The following DDX60 variants were observed in gnomAD, a reference collection of about 807,000 sequenced individuals.
DDX60 encodes probable ATP-dependent RNA helicase DDX60.
In DDX60, 165 loss-of-function variants were observed where a neutral mutation model predicts 212.8. The ratio of observed to expected loss-of-function variants is 0.78; its 90% CI spans 0.68 to 0.88. The LOEUF is 0.88. Among genes scored for constraint, DDX60 ranks in the 40% least tolerant of loss-of-function variants. The pLI is 0.00. For synonymous variants in DDX60, 703 were observed against 685.3 expected, an observed-to-expected ratio of 1.03 and a Z score of -0.40; for missense variants, 1,905 against 2,003.9, an observed-to-expected ratio of 0.95 and a Z score of 0.94.
At position 168,220,512 on chromosome 4, in the gene DDX60, G is replaced by A. The variant is rs1003719656; in HGVS notation, c.5039+143C>T. ...ACGTGTTGAACAGACATTCTGCAGA[G>A]CCTTTGGGGAGTTGAAATGCATAGC... On this transcript the variant is annotated intron_variant, in intron 37 of 37. Transcript: ENST00000393743. 3 of 542,566 alleles carry A rather than the reference G, an allele frequency of 5.5e-6. No individual in the cohort carries two copies. In the Admixed American group the frequency reaches 1.2e-4, roughly 21 times the overall value. 33.6% of individuals were successfully genotyped at this position (542,566 alleles called of 1,614,324 possible).
chr4:168,285,384 G>A lies in DDX60; in HGVS notation c.1445+9C>T. On this transcript the variant is annotated intron_variant, in intron 11 of 37. Transcript: ENST00000393743. ...AGTATTTATTGAGGCACAGTTTTTG[G>A]CCTTATACCTCTTTAGAAAAGGCAA... 2.6e-6 allele frequency: 4 copies of A among 1,545,080 alleles called. No homozygotes were observed. The highest frequency in any genetic ancestry group is 3.6e-6 in the Non-Finnish European group (4 of 1,123,206).
chr4:168,233,893 A>G (rs1733541108), intron 33 of DDX60, among the ~76,000 whole-genome samples: 1 of 152,112 alleles, frequency 6.6e-6, no homozygotes, highest in Non-Finnish European at 1.5e-5. Flanking sequence ...ATATGTGGTC[A>G]TCCGGAAAAG....
At chr4:168,264,909 T>C (rs564726700) in intron 22 of DDX60, among the ~76,000 whole-genome samples, 1 of 152,324 alleles carries the variant, frequency 6.6e-6, no homozygotes, top group South Asian at 2.1e-4. Context: ...TTTGTACCAT[T>C]CTTTATTTAT....
At chr4:168,225,810 CTG>C (rs1487651731) in intron 33 of DDX60, 134 bp from the exon 34 acceptor site, 17 of 828,720 alleles carry the variant, frequency 2.1e-5, no homozygotes, top group Non-Finnish European at 2.8e-5. Flanking sequence ...AATAATGTCA[CTG>C]TTTCATTTTT....
rs970587747 is a variant in DDX60 at position 168,309,132 on chromosome 4, A to G, written c.75-937T>C. 2.2e-4 allele frequency among the ~76,000 whole-genome samples: 33 copies of G among 152,184 alleles called. 2 individuals are homozygous for G. The highest frequency in any genetic ancestry group is 2.1e-3 in the Admixed American group (32 of 15,270). Reference sequence around the variant, plus strand: ...TAACTTTGTAGCCACTTCTTGTTGTATGGTGGTAAGTTAGCAGTTCCTCTC... The same window carrying G: ...TAACTTTGTAGCCACTTCTTGTTGTGTGGTGGTAAGTTAGCAGTTCCTCTC... On this transcript the variant is annotated intron_variant, in intron 3 of 37. Coordinates refer to ENST00000393743, the MANE Select transcript of DDX60 (RefSeq NM_017631.6).
At chr4:168,248,153 C>A in intron 29 of DDX60, 35 bp downstream of exon 29, 1 of 1,427,184 alleles carries the variant, frequency 7.0e-7, no homozygotes, top group Non-Finnish European at 9.7e-7. Flanking sequence ...CATATTTCAG[C>A]AATACAATAA....
In DDX60 at chr4:168,273,983, A is replaced by G; in HGVS notation, c.2405T>C (p.Val802Ala). Residue 802 changes from valine to alanine, a missense_variant, in exon 17 of 38, where the codon GTG (valine) becomes GCG (alanine). Physicochemically the swap from Val to Ala is moderately conservative, Grantham distance 64. Transcript: ENST00000393743. Reference protein sequence around the residue: ...TYASYYCMEKVLKESDDGVVV... With the variant: ...TYASYYCMEKALKESDDGVVV... ...CACCCCGTCGTCGCTCTCCTTCAGC[A>G]CTTTCTCCATACAGTAGTAGGAGGC... The G allele has an allele frequency of 6.2e-7, 1 of 1,614,196 alleles. No homozygotes were observed. Among genetic ancestry groups the G allele is most frequent in the Middle Eastern group, 1.6e-4 (1 of 6,062 alleles).
intron 30 of DDX60, among the ~76,000 whole-genome samples, 171 bp downstream of exon 30, chr4:168,246,247 C>T (rs1328828085): frequency 6.6e-6 from 1 of 152,116 alleles, no homozygotes; most frequent in Non-Finnish European, 1.5e-5. Context: ...ACAAACAAAA[C>T]TGTTATTCTC....
At chr4:168,253,641 T>A (rs1016401108) in intron 26 of DDX60, among the ~76,000 whole-genome samples, 1 of 152,152 alleles carries the variant, frequency 6.6e-6, no homozygotes, top group Non-Finnish European at 1.5e-5. Context: ...AATCAGGCTA[T>A]ATTCTAGCAG....
chr4:168,290,138 T>C (rs913506773), intron 8 of DDX60, among the ~76,000 whole-genome samples: 1 of 152,108 alleles, frequency 6.6e-6, no homozygotes, highest in African/African-American at 2.4e-5. Context: ...CACTTTCCCA[T>C]ATTTTTGCTA....
intron 11 of DDX60, 75 bp from the exon 12 acceptor site, chr4:168,285,010 G>A: frequency 1.3e-6 from 1 of 761,416 alleles, no homozygotes; most frequent in Non-Finnish European, 2.1e-6. Flanking sequence ...ATTTTATAAT[G>A]TTTTTGAAAA....
intron 27 of DDX60, 80 bp downstream of exon 27, chr4:168,252,429 T>G: frequency 6.6e-7 from 1 of 1,506,262 alleles, no homozygotes; most frequent in Non-Finnish European, 9.2e-7. Context: ...GCATATATCT[T>G]ATTAAGCATT....
intron 33 of DDX60, among the ~76,000 whole-genome samples, chr4:168,232,812 C>A (rs980154747): frequency 6.6e-6 from 1 of 151,840 alleles, no homozygotes; most frequent in Admixed American, 6.6e-5. Flanking sequence ...AAAGGCTTCA[C>A]GACCAAGAAC....
chr4:168,245,653 C>G (rs1167146422), intron 30 of DDX60, among the ~76,000 whole-genome samples: 14 of 152,136 alleles, frequency 9.2e-5, no homozygotes. Flanking sequence ...CTTCAGAAAA[C>G]AGTATCTGAT....
intron 26 of DDX60, among the ~76,000 whole-genome samples, chr4:168,254,746 A>G (rs6552571): frequency 0.088 from 13,346 of 152,174 alleles, 1,277 homozygotes; most frequent in African/African-American, 0.23. Context: ...GGAAAGATTC[A>G]GAGATGAGAT....
intron 36 of DDX60, 121 bp downstream of exon 36, chr4:168,221,609 T>C (rs895387813): frequency 2.9e-6 from 3 of 1,035,674 alleles, no homozygotes; most frequent in Admixed American, 2.8e-5. Flanking sequence ...CTAGTATGTT[T>C]AGTATGATTT....
At chr4:168,277,070 C>A (rs1057415211) in intron 14 of DDX60, among the ~76,000 whole-genome samples, 3 of 152,162 alleles carry the variant, frequency 2.0e-5, no homozygotes, top group African/African-American at 7.2e-5. Context: ...GAAGAACTGT[C>A]AGTTTGGAGG....
Position 168,255,769 on chromosome 4 carries a change from G to A in DDX60, c.3499C>T (p.His1167Tyr), listed in dbSNP as rs1367013830. 6.2e-6 allele frequency: 10 copies of A among 1,604,966 alleles called. No homozygotes were observed. Among genetic ancestry groups the A allele is most frequent in the African/African-American group, 1.3e-5 (1 of 74,088 alleles). The change falls in exon 26 of 38, where the codon CAT becomes TAT. Residue 1167 changes from histidine (H) to tyrosine (Y), a missense_variant. Physicochemically the swap from His to Tyr is moderately conservative, Grantham distance 83. Coordinates refer to ENST00000393743, the MANE Select transcript of DDX60 (RefSeq NM_017631.6). Reference sequence around the variant, plus strand: ...TTTCGAAGTTTGTTAGCCATGACATGGGCTTCTTTATCAGCTTTGGGAGGC... The same window carrying A: ...TTTCGAAGTTTGTTAGCCATGACATAGGCTTCTTTATCAGCTTTGGGAGGC... ...KRPPKADKEAHVMANKLRKVK... is the reference protein window; with the variant it reads ...KRPPKADKEAYVMANKLRKVK...
rs137933604 is a variant in DDX60, at chr4:168,280,373, C to T, written c.1940G>A (p.Cys647Tyr). The change falls in exon 14 of 38, where the codon TGC (cysteine) becomes TAC (tyrosine). Residue 647 changes from cysteine to tyrosine, a missense_variant. Cys to Tyr is a radical substitution (Grantham distance 194). Coordinates refer to ENST00000393743, the MANE Select transcript of DDX60 (RefSeq NM_017631.6). ...LQVEMVGLTACLKAWKEHCRS... is the reference protein window; with the variant it reads ...LQVEMVGLTAYLKAWKEHCRS... ...GCAATGTTCTTTCCAGGCTTTCAAG[C>T]AAGCAGTTAACCCCACCATTTCAAC... The T allele has an allele frequency of 6.2e-7, 1 of 1,613,540 alleles. No homozygotes were observed.
Sources: gnomAD v4.1 joint callset for allele counts (sites outside exome capture counted in the v4.1 genomes callset) on GRCh38, gnomAD v4.1.1 for gene constraint, MANE v1.5 for transcripts, NCBI Gene and HGNC (gene_info 2026-07-23, HGNC 2026-07-21) for gene names.